UTRN: variants seen among roughly 807,000 people sequenced by gnomAD.
The protein encoded by UTRN is dystrophin-related protein 1.
In UTRN, 283 loss-of-function variants were observed where a neutral mutation model predicts 463.9. The ratio of observed to expected loss-of-function variants is 0.61; its 90% CI spans 0.55 to 0.67. The LOEUF (loss-of-function observed/expected upper bound fraction) is 0.67. Among genes scored for constraint, UTRN ranks in the 30% least tolerant of loss-of-function variants. The pLI, the probability that UTRN is intolerant of heterozygous loss-of-function variation, is 0.00. For synonymous variants in UTRN, 1,442 were observed against 1,431.5 expected (o/e 1.01, Z -0.17); for missense variants, 3,922 against 4,084.3 (o/e 0.96, Z 1.08).
Position 144,395,589 on chromosome 6 carries a change from AG to A in UTRN, c.80-7532del, listed in dbSNP as rs570666061. On this transcript the variant is annotated intron_variant, in intron 2 of 74. Coordinates refer to ENST00000367545, the MANE Select transcript of UTRN (RefSeq NM_007124.3). ...AACTTGAGTTTGTTGAAAAGAAAACAGGTTAAGAAGTAAATAAACTAAAATT... is the reference window on the plus strand; with the variant it reads ...AACTTGAGTTTGTTGAAAAGAAAACAGTTAAGAAGTAAATAAACTAAAATT... 3.5e-3 allele frequency among the ~76,000 whole-genome samples: 534 copies of A among 152,312 alleles called. 1 individual carries two copies. Among genetic ancestry groups the A allele is most frequent in the Non-Finnish European group, 3.9e-3 (263 of 68,014 alleles).
intron 69 of UTRN, among the ~76,000 whole-genome samples, chr6:144,832,941 T>C (rs1365518299): frequency 6.6e-6 from 1 of 152,050 alleles, no homozygotes; most frequent in Non-Finnish European, 1.5e-5. Flanking sequence ...TGCCTCAGCC[T>C]CCCGAGTAGC....
intron 73 of UTRN, among the ~76,000 whole-genome samples, chr6:144,844,395 A>G (rs776275593): frequency 2.5e-4 from 38 of 152,040 alleles, no homozygotes; most frequent in Non-Finnish European, 4.1e-4. Context: ...CAGCCTCCCA[A>G]GTAGCTGGGA....
chr6:144,619,179 A>T (rs13193448), intron 51 of UTRN, among the ~76,000 whole-genome samples: 24,660 of 152,162 alleles, frequency 0.16, 2,167 homozygotes, highest in South Asian at 0.27. Context: ...AATAAGCACA[A>T]CAAAATTCAT....
intron 51 of UTRN, among the ~76,000 whole-genome samples, chr6:144,643,567 C>A (rs551020707): frequency 1.3e-5 from 2 of 151,966 alleles, no homozygotes; most frequent in African/African-American, 4.8e-5. Context: ...GAGGCTGAGG[C>A]GGGCAGATCA....
At chr6:144,318,991 C>A (rs1417296825) in intron 2 of UTRN, among the ~76,000 whole-genome samples, 2 of 152,126 alleles carry the variant, frequency 1.3e-5, no homozygotes, top group African/African-American at 4.8e-5. Context: ...ATCACTTGAG[C>A]CTTGGAGGTC....
chr6:144,287,819 A>G (rs1292987208), intron 1 of UTRN, among the ~76,000 whole-genome samples: 2 of 152,220 alleles, frequency 1.3e-5, no homozygotes, highest in Non-Finnish European at 2.9e-5. Context: ...TTTACAGAAT[A>G]TCATTTGAGG....
chr6:144,543,222 T>TTATAGC (rs1798129263), intron 46 of UTRN, among the ~76,000 whole-genome samples: 1 of 152,218 alleles, frequency 6.6e-6, no homozygotes, highest in Admixed American at 6.5e-5. Flanking sequence ...CTATAACTTG[T>TTATAGC]TGTGTTAACA....
chr6:144,610,338 C>G (rs2178129), intron 51 of UTRN, among the ~76,000 whole-genome samples: 1 of 152,026 alleles, frequency 6.6e-6, no homozygotes, highest in Non-Finnish European at 1.5e-5. Flanking sequence ...GAATAAATTT[C>G]TAGACACACA....
chr6:144,498,717 G>C (rs1253548546), intron 33 of UTRN, among the ~76,000 whole-genome samples: 1 of 151,802 alleles, frequency 6.6e-6, no homozygotes, highest in Non-Finnish European at 1.5e-5. Context: ...TGCAGTGGCA[G>C]GATCACGGCT....
chr6:144,504,567 T>C (rs942177538), intron 34 of UTRN, among the ~76,000 whole-genome samples: 5 of 152,228 alleles, frequency 3.3e-5, no homozygotes, highest in Non-Finnish European at 7.3e-5. Context: ...ATTACATTTA[T>C]TGATTTGCAT....
chr6:144,838,596 G>A lies in UTRN; in HGVS notation c.10066-577G>A, dbSNP rs1005606199. On this transcript the variant is annotated intron_variant, in intron 71 of 74. Coordinates refer to ENST00000367545, the MANE Select transcript of UTRN (RefSeq NM_007124.3). ...GTGTCAGGCTGTTCTAACCATTTTA[G>A]AAATAGTCATTCTTCACTCCCCTCA... 3.9e-5 allele frequency among the ~76,000 whole-genome samples: 6 copies of A among 152,132 alleles called. No individual in the cohort carries two copies. The East Asian group carries it at 1.2e-3, about 29-fold the overall frequency.
chr6:144,432,565 G>A (rs1195447105), intron 9 of UTRN, among the ~76,000 whole-genome samples: 4 of 152,164 alleles, frequency 2.6e-5, no homozygotes, highest in Non-Finnish European at 5.9e-5. Flanking sequence ...AGGTGAGAGT[G>A]TTGGGTGGGG....
At chr6:144,402,225 T>G (rs1188420296) in intron 2 of UTRN, among the ~76,000 whole-genome samples, 1 of 152,230 alleles carries the variant, frequency 6.6e-6, no homozygotes, top group Non-Finnish European at 1.5e-5. Flanking sequence ...TTCATTTATA[T>G]TCACTAACCT....
chr6:144,363,829 A>G (rs1474180686), intron 2 of UTRN, among the ~76,000 whole-genome samples: 1 of 152,200 alleles, frequency 6.6e-6, no homozygotes, highest in African/African-American at 2.4e-5. Flanking sequence ...TGTTCCAGGT[A>G]GAGGGCACAG....
At chr6:144,643,438 G>A (rs1777961459) in intron 51 of UTRN, among the ~76,000 whole-genome samples, 1 of 152,180 alleles carries the variant, frequency 6.6e-6, no homozygotes, top group Non-Finnish European at 1.5e-5. Context: ...AGAGTAGGTT[G>A]TATTGGATAG....
chr6:144,459,746 A>G (rs1789224041), intron 21 of UTRN, among the ~76,000 whole-genome samples: 1 of 152,102 alleles, frequency 6.6e-6, no homozygotes, highest in South Asian at 2.1e-4. Flanking sequence ...ATGCACCACC[A>G]TGCCTGGCTG....
At chr6:144,341,871 G>A (rs954276877) in intron 2 of UTRN, among the ~76,000 whole-genome samples, 2 of 152,148 alleles carry the variant, frequency 1.3e-5, no homozygotes, top group African/African-American at 4.8e-5. Flanking sequence ...ATATTTAGCT[G>A]GTATGAACCC....
intron 38 of UTRN, 147 bp downstream of exon 38, chr6:144,516,534 A>C (rs771058767): frequency 1.0e-4 from 100 of 976,354 alleles, no homozygotes; most frequent in Admixed American, 2.3e-4. Flanking sequence ...TCAATGTAAG[A>C]GTCACATGAT....
chr6:144,797,209 G>C (rs1486136957), intron 63 of UTRN, among the ~76,000 whole-genome samples: 1 of 145,246 alleles, frequency 6.9e-6, no homozygotes, highest in African/African-American at 2.6e-5. Context: ...TTTTTTTTGA[G>C]ATATATTCTT....
Sources: gnomAD v4.1 joint callset for allele counts (sites outside exome capture counted in the v4.1 genomes callset) on GRCh38, gnomAD v4.1.1 for gene constraint, MANE v1.5 for transcripts, NCBI Gene and HGNC (gene_info 2026-07-23, HGNC 2026-07-21) for gene names.